The following CAMTA1 variants were observed in gnomAD, a reference collection of about 807,000 sequenced individuals.
CAMTA1 encodes calmodulin binding transcription activator 1.
In CAMTA1, 27 loss-of-function variants were observed where a neutral mutation model predicts 170.9. That is an observed-to-expected ratio of 0.16 (90% CI 0.12 to 0.22). The LOEUF (loss-of-function observed/expected upper bound fraction) is 0.22. Among genes scored for constraint, CAMTA1 ranks in the 10% least tolerant of loss-of-function variants. The probability of loss-of-function intolerance (pLI) is 1.00; values close to 1 mark genes in which losing one functional copy is unlikely to be tolerated. For synonymous variants in CAMTA1, 833 were observed against 891.5 expected, an observed-to-expected ratio of 0.93 and a Z score of 1.17; for missense variants, 1,619 against 2,217.2, an observed-to-expected ratio of 0.73 and a Z score of 5.42.
chr1:7,173,894 C>T lies in CAMTA1; in HGVS notation c.303-75597C>T, dbSNP rs1372402498. Among the ~76,000 whole-genome samples the T allele has an allele frequency of 2.6e-5, 4 of 152,166 alleles. No individual in the cohort carries two copies. The highest frequency in any genetic ancestry group is 3.4e-3 in the Middle Eastern group (1 of 294). On this transcript the variant is annotated intron_variant, in intron 4 of 22. Coordinates refer to ENST00000303635, the MANE Select transcript of CAMTA1 (RefSeq NM_015215.4). This position sits in a 1 kb window ranked among gnomAD's most constrained non-coding sequence, Gnocchi z 5.4. ...GGAACCCAGGGGACCCACAGGGACT[C>T]AACAGGACCCAGCAGGTACCAACAA...
intron 11 of CAMTA1, among the ~76,000 whole-genome samples, chr1:7,725,047 C>G (rs1053044151): frequency 6.6e-6 from 1 of 152,126 alleles, no homozygotes; most frequent in Admixed American, 6.5e-5. Context: ...GCTGCTTCCA[C>G]AAAAAAGGAG....
Position 7,641,748 on chromosome 1 carries a change from G to A in CAMTA1, c.664+1195G>A, listed in dbSNP as rs2095762786. ...CGTCCTTTGAGCCAAGTACCCCGTG[G>A]GGAGGTTTGGACCAGGCTTGCCTCA... On this transcript the variant is annotated intron_variant, in intron 7 of 22. Transcript: ENST00000303635. The surrounding 1 kb of genome is among the most constrained non-coding windows in gnomAD (Gnocchi z 4.5). Among the ~76,000 whole-genome samples, 1 of 152,088 alleles carries A rather than the reference G, an allele frequency of 6.6e-6. No individual in the cohort carries two copies. Among genetic ancestry groups the A allele is most frequent in the Non-Finnish European group, 1.5e-5 (1 of 67,982 alleles).
At chr1:7,584,720 C>T (rs1472124990) in intron 6 of CAMTA1, among the ~76,000 whole-genome samples, 1 of 152,110 alleles carries the variant, frequency 6.6e-6, no homozygotes, top group East Asian at 1.9e-4. Context: ...CATCTGAAAC[C>T]CCTAAGGCCA....
intron 3 of CAMTA1, among the ~76,000 whole-genome samples, chr1:6,924,752 T>C (rs977194914): frequency 6.6e-6 from 1 of 152,242 alleles, no homozygotes; most frequent in African/African-American, 2.4e-5. Context: ...TTGCATCTTA[T>C]TGGAAGCCGG....
chr1:7,199,255 C>T (rs969399018), intron 4 of CAMTA1, among the ~76,000 whole-genome samples: 2 of 152,220 alleles, frequency 1.3e-5, no homozygotes, highest in Non-Finnish European at 2.9e-5. Context: ...CTGGAGAAGC[C>T]TCCTCATGTC....
At chr1:7,091,224 G>A (rs1423447936) in intron 3 of CAMTA1, 80 bp from the exon 4 acceptor site, 1 of 983,344 alleles carries the variant, frequency 1.0e-6, no homozygotes, top group Non-Finnish European at 1.6e-6. Context: ...CAGCAGCTGG[G>A]AAACAGCAAA....
intron 11 of CAMTA1, among the ~76,000 whole-genome samples, chr1:7,725,356 G>A (rs551456121): frequency 6.6e-6 from 1 of 152,334 alleles, no homozygotes; most frequent in South Asian, 2.1e-4. Context: ...AGATGCAATG[G>A]GAATGGTAGA....
chr1:7,422,468 C>T (rs1364907420), intron 5 of CAMTA1, among the ~76,000 whole-genome samples: 1 of 152,112 alleles, frequency 6.6e-6, no homozygotes, highest in African/African-American at 2.4e-5. Flanking sequence ...AGAGGGTTGA[C>T]AACACCAATG....
chr1:6,921,463 C>T (rs1328719011), intron 3 of CAMTA1, among the ~76,000 whole-genome samples: 2 of 152,224 alleles, frequency 1.3e-5, no homozygotes, highest in African/African-American at 4.8e-5. Context: ...TCTGAGCCCT[C>T]CAAACTGTTC....
At chr1:6,891,157 A>G (rs1674425094) in intron 3 of CAMTA1, among the ~76,000 whole-genome samples, 1 of 152,202 alleles carries the variant, frequency 6.6e-6, no homozygotes, top group Non-Finnish European at 1.5e-5. Flanking sequence ...TTAGAAGGTC[A>G]TTAAAAAGGA....
At chr1:7,731,083 A>T (rs910647914) in intron 11 of CAMTA1, among the ~76,000 whole-genome samples, 14 of 152,174 alleles carry the variant, frequency 9.2e-5, no homozygotes, top group African/African-American at 3.4e-4. Flanking sequence ...TAACATGTGT[A>T]TGTTTGTGTG....
intron 7 of CAMTA1, among the ~76,000 whole-genome samples, chr1:7,652,299 T>G (rs2095853204): frequency 6.6e-6 from 1 of 152,074 alleles, no homozygotes; most frequent in Non-Finnish European, 1.5e-5. Flanking sequence ...CCTCCCAGGT[T>G]TTCTTCCCCC....
intron 6 of CAMTA1, among the ~76,000 whole-genome samples, chr1:7,595,807 T>C (rs2095395129): frequency 1.3e-5 from 2 of 152,240 alleles, no homozygotes; most frequent in African/African-American, 4.8e-5. Context: ...CTGACTGTTG[T>C]GTTTTCATGG....
At chr1:6,792,232 A>G (rs756316399) in intron 1 of CAMTA1, among the ~76,000 whole-genome samples, 13 of 152,042 alleles carry the variant, frequency 8.6e-5, no homozygotes, top group Non-Finnish European at 1.6e-4. Flanking sequence ...TGCTGAGATT[A>G]CAGGCATGAG....
At chr1:7,279,559 C>T (rs1671214466) in intron 5 of CAMTA1, among the ~76,000 whole-genome samples, 1 of 152,208 alleles carries the variant, frequency 6.6e-6, no homozygotes, top group African/African-American at 2.4e-5. Context: ...CGGGGAGCAG[C>T]TGCTCTGCAT....
At chr1:7,583,778 A>AG (rs113103041) in intron 6 of CAMTA1, among the ~76,000 whole-genome samples, 10,840 of 152,192 alleles carry the variant, frequency 0.071, 1,274 homozygotes, top group African/African-American at 0.25. Context: ...AGGAAGACAC[A>AG]GGGGGGTTCA....
rs932995284 is a variant in CAMTA1, at chr1:6,887,987, C to T, written c.234+62777C>T. The T allele has an allele frequency of 5.9e-6, 7 of 1,177,296 alleles. No homozygotes were observed. The highest frequency in any genetic ancestry group is 8.4e-5 in the Admixed American group (2 of 23,884). The allele number at this position is 1,177,296 out of a possible 1,614,324, so 72.9% of individuals were successfully genotyped here. On this transcript the variant is annotated intron_variant, in intron 3 of 22. Transcript: ENST00000303635. The surrounding 1 kb of genome is among the most constrained non-coding windows in gnomAD (Gnocchi z 4.1). ...ACACGCCTCCTGGTCCAGAGGCCTC[C>T]GTGACCATCCATGATGCCACTCTGT...
chr1:7,632,212 A>G (rs1486256121), intron 6 of CAMTA1, among the ~76,000 whole-genome samples: 1 of 152,236 alleles, frequency 6.6e-6, no homozygotes, highest in East Asian at 1.9e-4. Flanking sequence ...TGCTAATATG[A>G]CAAATGCAAA....
At chr1:7,447,428 G>GT (rs2092707660) in intron 5 of CAMTA1, among the ~76,000 whole-genome samples, 1 of 150,402 alleles carries the variant, frequency 6.6e-6, no homozygotes, top group Admixed American at 6.6e-5. Flanking sequence ...TGGGGGCGGG[G>GT]TGGGGGGTGA....
Sources: allele counts gnomAD v4.1 joint callset (sites outside exome capture counted in the v4.1 genomes callset), GRCh38; gene constraint gnomAD v4.1.1; non-coding constraint Gnocchi (gnomAD v3.1); transcripts MANE v1.5; gene names NCBI Gene and HGNC (gene_info 2026-07-23, HGNC 2026-07-21).